The following NELL1 variants were observed in gnomAD, a reference collection of about 807,000 sequenced individuals.
NELL1 encodes the protein neural EGFL like 1, also known as protein kinase C-binding protein NELL1.
NELL1 carries 76 observed loss-of-function variants against 107.4 expected under a neutral mutation model. The ratio of observed to expected loss-of-function variants is 0.71; its 90% confidence interval spans 0.59 to 0.86. The LOEUF (loss-of-function observed/expected upper bound fraction) is 0.86. NELL1 is among the 40% of genes least tolerant of loss of function. The pLI, the probability that NELL1 is intolerant of heterozygous loss-of-function variation, is 0.00. For synonymous variants in NELL1, 353 were observed against 341.2 expected, an observed-to-expected ratio of 1.03 and a Z score of -0.38; for missense variants, 1,024 against 1,005.5, an observed-to-expected ratio of 1.02 and a Z score of -0.25.
chr11:21,077,709 C>G (rs1412921132), intron 12 of NELL1, among the ~76,000 whole-genome samples: 1 of 149,738 alleles, frequency 6.7e-6, no homozygotes, highest in Non-Finnish European at 1.5e-5. Flanking sequence ...CATCACCGCA[C>G]TTCAGCCTGG....
chr11:21,114,559 T>G (rs947839475), intron 13 of NELL1, among the ~76,000 whole-genome samples: 1 of 152,008 alleles, frequency 6.6e-6, no homozygotes, highest in Non-Finnish European at 1.5e-5. Context: ...TAATGTACTT[T>G]TTTTTTCTGA....
At chr11:21,374,779 A>T (rs1028246621) in intron 15 of NELL1, among the ~76,000 whole-genome samples, 5 of 151,932 alleles carry the variant, frequency 3.3e-5, no homozygotes, top group African/African-American at 4.8e-5. Context: ...GACTCCCTAC[A>T]TCTTGTACTC....
chr11:21,062,918 C>T (rs1853776360), intron 12 of NELL1, among the ~76,000 whole-genome samples: 1 of 152,130 alleles, frequency 6.6e-6, no homozygotes, highest in East Asian at 1.9e-4. Context: ...ACCTCTGCCT[C>T]CTGGGTTCAA....
At chr11:21,194,691 A>C (rs1857116409) in intron 13 of NELL1, among the ~76,000 whole-genome samples, 1 of 152,176 alleles carries the variant, frequency 6.6e-6, no homozygotes, top group African/African-American at 2.4e-5. Context: ...TTTAGGGGTA[A>C]GGCCCAGAAA....
At chr11:20,952,074 A>G (rs1036488383) in intron 11 of NELL1, among the ~76,000 whole-genome samples, 1 of 152,094 alleles carries the variant, frequency 6.6e-6, no homozygotes, top group African/African-American at 2.4e-5. Context: ...AAAAATGTCA[A>G]CAATATTGAC....
chr11:21,114,929 G>A (rs113603179), intron 13 of NELL1, among the ~76,000 whole-genome samples: 6 of 151,948 alleles, frequency 3.9e-5, no homozygotes, highest in African/African-American at 1.2e-4. Context: ...GGCTCTTAAC[G>A]TCTTTTAACC....
intron 2 of NELL1, among the ~76,000 whole-genome samples, chr11:20,694,279 C>G (rs1854554038): frequency 6.6e-6 from 1 of 151,944 alleles, no homozygotes; most frequent in Non-Finnish European, 1.5e-5. Context: ...CCTAGGTCCT[C>G]CTTGTTAATT....
intron 15 of NELL1, among the ~76,000 whole-genome samples, chr11:21,459,474 G>T (rs1244658373): frequency 6.6e-6 from 1 of 151,632 alleles, no homozygotes; most frequent in East Asian, 1.9e-4. Flanking sequence ...GTGAAGTAAA[G>T]GATAAAAAAA....
chr11:20,938,908 GTCTCTCTC>G (rs71443766), intron 10 of NELL1, among the ~76,000 whole-genome samples: 7,613 of 144,486 alleles, frequency 0.053, 266 homozygotes, highest in African/African-American at 0.093. Context: ...TTCTCTCTCT[GTCTCTCTC>G]TCTCTCTCTC....
At chr11:20,739,618 A>G (rs186871800) in intron 2 of NELL1, among the ~76,000 whole-genome samples, 3 of 152,122 alleles carry the variant, frequency 2.0e-5, no homozygotes, top group Admixed American at 1.3e-4. Flanking sequence ...AGTGAAAGGG[A>G]TGGAGGTCCT....
chr11:20,872,671 G>GGTGTGTGTGTGTGTGTGTGT (rs61184129), intron 4 of NELL1, among the ~76,000 whole-genome samples: 3 of 137,094 alleles, frequency 2.2e-5, no homozygotes, highest in South Asian at 2.5e-4. Context: ...CAGTGTTTGA[G>GGTGTGTGTGTGTGTGTGTGT]GTGTGTGTGT....
In NELL1 at chr11:20,880,603, C is replaced by T. The variant is rs114859268; in HGVS notation, c.507-4841C>T. ...CTAAGATACTTCTTGGCTTTGTGGGCGTGAAAAAGGCAACAGTAACCTTTC... is the reference window on the plus strand; with the variant it reads ...CTAAGATACTTCTTGGCTTTGTGGGTGTGAAAAAGGCAACAGTAACCTTTC... On this transcript the variant is annotated intron_variant, in intron 4 of 19. Transcript: ENST00000357134. 6.2e-3 allele frequency among the ~76,000 whole-genome samples: 941 copies of T among 152,168 alleles called. 10 individuals carry two copies. Among genetic ancestry groups the T allele is most frequent in the African/African-American group, 0.021 (890 of 41,524 alleles).
chr11:21,000,974 C>G (rs1056296559), intron 12 of NELL1: 21 of 152,158 alleles, frequency 1.4e-4, no homozygotes, highest in African/African-American at 4.6e-4. Flanking sequence ...GATACTCCCC[C>G]ATTCCAAACT....
At chr11:20,908,671 T>C (rs1850059387) in intron 5 of NELL1, among the ~76,000 whole-genome samples, 1 of 152,098 alleles carries the variant, frequency 6.6e-6, no homozygotes. Context: ...TCCTGGAACT[T>C]AAAGTAAAAT....
At chr11:21,324,446 A>G (rs1850083011) in intron 14 of NELL1, among the ~76,000 whole-genome samples, 2 of 152,090 alleles carry the variant, frequency 1.3e-5, no homozygotes, top group Admixed American at 6.6e-5. Flanking sequence ...TTTCCTCAAG[A>G]GATTTTACAT....
intron 14 of NELL1, among the ~76,000 whole-genome samples, chr11:21,242,944 T>C (rs994965330): frequency 4.6e-5 from 7 of 152,136 alleles, no homozygotes; most frequent in Middle Eastern, 3.2e-3. Flanking sequence ...ATCCTATTAC[T>C]TACATAACTG....
chr11:20,823,706 CA>C (rs1250223279), intron 3 of NELL1, among the ~76,000 whole-genome samples: 2 of 150,916 alleles, frequency 1.3e-5, no homozygotes, highest in South Asian at 4.2e-4. Context: ...AATACTCTGC[CA>C]AGTATGTGGG....
chr11:20,753,589 T>TA (rs1467687082), intron 2 of NELL1, among the ~76,000 whole-genome samples: 1 of 152,166 alleles, frequency 6.6e-6, no homozygotes, highest in Non-Finnish European at 1.5e-5. Context: ...ACCACCTCTT[T>TA]AAAAACCAGG....
chr11:21,122,249 T>A (rs1318261610), intron 13 of NELL1, among the ~76,000 whole-genome samples: 1 of 152,196 alleles, frequency 6.6e-6, no homozygotes, highest in South Asian at 2.1e-4. Context: ...TTCTGTACAC[T>A]CTATTGTTAG....
Sources: allele counts gnomAD v4.1 joint callset (sites outside exome capture counted in the v4.1 genomes callset), GRCh38; gene constraint gnomAD v4.1.1; transcripts MANE v1.5; gene names NCBI Gene and HGNC (gene_info 2026-07-23, HGNC 2026-07-21).